The following ADGRB3 variants were observed in gnomAD, a reference collection of about 807,000 sequenced individuals.
The protein encoded by ADGRB3 is brain-specific angiogenesis inhibitor 3.
ADGRB3 carries 37 observed loss-of-function variants against 193.4 expected under a neutral mutation model. That is an observed-to-expected ratio of 0.19 (90% CI 0.15 to 0.25). The LOEUF (loss-of-function observed/expected upper bound fraction) is 0.25, where lower values mean the gene tolerates loss of function less well. Among genes scored for constraint, ADGRB3 ranks in the 10% least tolerant of loss-of-function variants. The pLI is 1.00. For missense variants in ADGRB3, 1,637 were observed against 1,852.9 expected (o/e 0.88, Z 2.14); for synonymous variants, 690 against 644.2 (o/e 1.07, Z -1.08).
intron 3 of ADGRB3, among the ~76,000 whole-genome samples, chr6:68,792,496 C>G (rs1767125457): frequency 1.3e-5 from 2 of 152,172 alleles, no homozygotes; most frequent in African/African-American, 4.8e-5. Context: ...CCTTCTCTTA[C>G]AAGTGCTTGT....
chr6:68,742,923 A>G (rs1189746502), intron 3 of ADGRB3, among the ~76,000 whole-genome samples: 4 of 151,902 alleles, frequency 2.6e-5, no homozygotes, highest in South Asian at 2.1e-4. Flanking sequence ...ATAAAGATGT[A>G]TTTCTTGTAT....
rs1470169528 is a variant in ADGRB3 at position 68,816,202 on chromosome 6, C to T, written c.758-114357C>T. On this transcript the variant is annotated intron_variant, in intron 3 of 31. Transcript: ENST00000370598. ...TGAATAATTAATATAAGCACTGATCCGTATATGAGATACACTGAATCTGAA... is the reference window on the plus strand; with the variant it reads ...TGAATAATTAATATAAGCACTGATCTGTATATGAGATACACTGAATCTGAA... 4.6e-5 allele frequency among the ~76,000 whole-genome samples: 7 copies of T among 151,600 alleles called. 1 individual carries two copies. Among genetic ancestry groups the T allele is most frequent in the African/African-American group, 7.3e-5 (3 of 41,280 alleles).
chr6:68,912,997 C>T (rs565748675), intron 3 of ADGRB3, among the ~76,000 whole-genome samples: 26 of 152,276 alleles, frequency 1.7e-4, no homozygotes, highest in East Asian at 7.7e-4. Flanking sequence ...AAGGCGGCAG[C>T]GAGGCTGGGG....
chr6:69,340,945 C>A (rs1218256617), intron 26 of ADGRB3, among the ~76,000 whole-genome samples: 1 of 152,162 alleles, frequency 6.6e-6, no homozygotes, highest in Non-Finnish European at 1.5e-5. Flanking sequence ...GACATGAACT[C>A]ATCCTTTTTC....
intron 10 of ADGRB3, among the ~76,000 whole-genome samples, chr6:68,978,132 C>T (rs987557048): frequency 6.6e-6 from 1 of 151,488 alleles, no homozygotes; most frequent in African/African-American, 2.4e-5. Context: ...AATAATCATA[C>T]ATTGTGAAAG....
rs1554227911 is a variant in ADGRB3 at position 68,958,870 on chromosome 6, A to AAATAGTGT, written c.1525+2061_1525+2062insAATAGTGT. Reference sequence around the variant, plus strand: ...TACTTATACAGGGGCAAAGAAAAATAGTGTGTGTGTGTGTGTGTGTGTGTG... The same window carrying AAATAGTGT: ...TACTTATACAGGGGCAAAGAAAAATAAATAGTGTGTGTGTGTGTGTGTGTGTGTGTGTG... On this transcript the variant is annotated intron_variant, in intron 8 of 31. Transcript: ENST00000370598. 3.1e-3 allele frequency among the ~76,000 whole-genome samples: 452 copies of AAATAGTGT among 147,326 alleles called. 1 individual carries two copies. The highest frequency in any genetic ancestry group is 0.011 in the African/African-American group (414 of 39,388).
rs1354618221 is a variant in ADGRB3 at position 68,880,191 on chromosome 6, T to A, written c.758-50368T>A. 2.0e-5 allele frequency among the ~76,000 whole-genome samples: 3 copies of A among 152,194 alleles called. No individual in the cohort carries two copies. In the East Asian group the frequency reaches 5.8e-4, roughly 29 times the overall value. On this transcript the variant is annotated intron_variant, in intron 3 of 31. Coordinates refer to ENST00000370598, the MANE Select transcript of ADGRB3 (RefSeq NM_001704.3). Reference sequence around the variant, plus strand: ...ATAAGGGGAGTGTACTGCAGAGAACTGGCTGATGGCTTTTGGTCAGTCAGC... The same window carrying A: ...ATAAGGGGAGTGTACTGCAGAGAACAGGCTGATGGCTTTTGGTCAGTCAGC...
At chr6:69,270,846 T>A (rs969364706) in intron 20 of ADGRB3, among the ~76,000 whole-genome samples, 46 of 152,334 alleles carry the variant, frequency 3.0e-4, no homozygotes, top group African/African-American at 9.1e-4. Flanking sequence ...ATATTTTTGT[T>A]CTTGTTTTTA....
chr6:68,840,515 A>G (rs544470630), intron 3 of ADGRB3, among the ~76,000 whole-genome samples: 31 of 148,920 alleles, frequency 2.1e-4, no homozygotes, highest in African/African-American at 7.5e-4. Context: ...TTCCACCTCA[A>G]CCTCTCAAGT....
At chr6:69,031,694 G>T (rs540183057) in intron 13 of ADGRB3, among the ~76,000 whole-genome samples, 37 of 150,028 alleles carry the variant, frequency 2.5e-4, no homozygotes, top group Non-Finnish European at 4.6e-4. Flanking sequence ...GAGTGCAGTG[G>T]CATGACTTCA....
rs1227689658 is a variant in ADGRB3, at chr6:69,031,114, C to CGCT, written c.2107+12615_2107+12616insGCT. On this transcript the variant is annotated intron_variant, in intron 13 of 31. Coordinates refer to ENST00000370598, the MANE Select transcript of ADGRB3 (RefSeq NM_001704.3). Reference sequence around the variant, plus strand: ...CTCTTCTCTTCTCTTCTCTTCTCTTCTCTCTCTTCTCTCTGTCTCTCTCTC... The same window carrying CGCT: ...CTCTTCTCTTCTCTTCTCTTCTCTTCGCTTCTCTCTTCTCTCTGTCTCTCTCTC... Among the ~76,000 whole-genome samples the CGCT allele has an allele frequency of 1.7e-3, 87 of 50,688 alleles. 9 individuals carry two copies. The highest frequency in any genetic ancestry group is 3.2e-3 in the South Asian group (6 of 1,904). The allele number at this position is 50,688 out of a possible 152,430, so 33.3% of individuals were successfully genotyped here. A position where few individuals can be genotyped will look rare whatever the true frequency, so the allele number is the denominator to read the frequency against.
chr6:69,315,415 C>T (rs987785111), intron 20 of ADGRB3, among the ~76,000 whole-genome samples: 1 of 151,502 alleles, frequency 6.6e-6, no homozygotes, highest in Non-Finnish European at 1.5e-5. Flanking sequence ...TTCAAATGTG[C>T]TTATTTTGCC....
At chr6:69,013,031 G>A (rs1769981781) in intron 11 of ADGRB3, among the ~76,000 whole-genome samples, 1 of 152,042 alleles carries the variant, frequency 6.6e-6, no homozygotes, top group Non-Finnish European at 1.5e-5. Flanking sequence ...TGCAACTTAA[G>A]ATAAACGTCA....
At chr6:68,889,917 T>C (rs1227039498) in intron 3 of ADGRB3, among the ~76,000 whole-genome samples, 1 of 152,206 alleles carries the variant, frequency 6.6e-6, no homozygotes, top group African/African-American at 2.4e-5. Flanking sequence ...TGTAACTACA[T>C]ATATATTTTA....
chr6:68,898,511 T>C (rs919791067), intron 3 of ADGRB3, among the ~76,000 whole-genome samples: 4 of 152,104 alleles, frequency 2.6e-5, no homozygotes. Context: ...GATCACAACA[T>C]TATAGCAAAA....
Position 69,233,347 on chromosome 6 carries a change from AT to A in ADGRB3, c.2539del (p.Ser847ProfsTer23). ...QGCKTVLTDA[S>X]HTKCLCDRLS... ...GATGTAAAACTGTGCTTACCGATGC[AT>A]CCCATACGAAATGCTTATGTGATCG... On this transcript the variant is annotated frameshift_variant, in exon 18 of 32. Coordinates refer to ENST00000370598, the MANE Select transcript of ADGRB3 (RefSeq NM_001704.3). LOFTEE classifies it high-confidence loss of function. 2 of 1,614,118 alleles carry A rather than the reference AT, an allele frequency of 1.2e-6. No individual in the cohort carries two copies. The highest frequency in any genetic ancestry group is 1.7e-6 in the Non-Finnish European group (2 of 1,180,020).
intron 17 of ADGRB3, among the ~76,000 whole-genome samples, chr6:69,208,693 C>T (rs184498232): frequency 8.5e-5 from 13 of 152,154 alleles, no homozygotes; most frequent in African/African-American, 2.7e-4. Flanking sequence ...TCAGTGCAGG[C>T]GAGGGGAGAG....
chr6:69,274,302 A>G (rs1279670713), intron 20 of ADGRB3, among the ~76,000 whole-genome samples: 2 of 152,198 alleles, frequency 1.3e-5, no homozygotes, highest in African/African-American at 2.4e-5. Flanking sequence ...TTCAATCCTC[A>G]GGTCACAAAC....
chr6:69,356,723 A>G (rs745948589), intron 28 of ADGRB3, among the ~76,000 whole-genome samples: 4 of 152,130 alleles, frequency 2.6e-5, no homozygotes, highest in Non-Finnish European at 5.9e-5. Context: ...CATTGTCTGT[A>G]TGTGTATTAA....
Sources: allele counts gnomAD v4.1 joint callset (sites outside exome capture counted in the v4.1 genomes callset), GRCh38; gene constraint gnomAD v4.1.1; transcripts MANE v1.5; gene names NCBI Gene and HGNC (gene_info 2026-07-23, HGNC 2026-07-21).